Variants in HS6ST2 observed in about 807,000 individuals in gnomAD.
HS6ST2 encodes heparan-sulfate 6-O-sulfotransferase 2.
A neutral mutation model predicts 33.0 loss-of-function variants in HS6ST2; 17 were observed. The observed-to-expected ratio is 0.52, with a 90% CI of 0.35 to 0.77. The LOEUF is 0.77. Among genes scored for constraint, HS6ST2 ranks in the 30% least tolerant of loss-of-function variants. The pLI is 0.01. For synonymous variants in HS6ST2, 248 were observed against 237.1 expected, an observed-to-expected ratio of 1.05 and a Z score of -0.42; for missense variants, 519 against 551.7, an observed-to-expected ratio of 0.94 and a Z score of 0.59.
At chrX:132,882,176 C>G (rs1457589240) in intron 2 of HS6ST2, among the ~76,000 whole-genome samples, 2 of 111,216 alleles carry the variant, frequency 1.8e-5, no homozygotes, top group African/African-American at 6.5e-5. Context: ...TCATTGGTAG[C>G]TTGATGGGGA....
chrX:132,637,850 A>ATAATATTATATATAATATATT (rs1491464556), intron 4 of HS6ST2, among the ~76,000 whole-genome samples: 4 of 41,394 alleles, frequency 9.7e-5, no homozygotes, highest in East Asian at 6.8e-4. Flanking sequence ...TTTTATATAT[A>ATAATATTATATATAATATATT]ATATATATAT....
chrX:132,945,257 C>T (rs1418177201), intron 2 of HS6ST2, among the ~76,000 whole-genome samples: 1 of 112,112 alleles, frequency 8.9e-6, no homozygotes, highest in Non-Finnish European at 1.9e-5. Context: ...TGAAAAAATG[C>T]TCATCATCAC....
intron 2 of HS6ST2, among the ~76,000 whole-genome samples, chrX:132,911,147 C>T (rs1204194166): frequency 1.0e-4 from 1 of 9,933 alleles, no homozygotes; most frequent in African/African-American, 4.9e-4. Flanking sequence ...GAGACGCTAT[C>T]TCAAAAAAAA....
intron 2 of HS6ST2, among the ~76,000 whole-genome samples, chrX:132,840,788 T>C (rs931367884): frequency 1.8e-5 from 2 of 112,175 alleles, no homozygotes; most frequent in African/African-American, 6.5e-5. Context: ...TATTCTTAAA[T>C]CATTCTGTAT....
chrX:132,918,046 AG>A (rs1271490358), intron 2 of HS6ST2, among the ~76,000 whole-genome samples: 1 of 112,551 alleles, frequency 8.9e-6, no homozygotes, highest in Non-Finnish European at 1.9e-5. Context: ...CAACTGAAAT[AG>A]ATTGCCCAAA....
intron 2 of HS6ST2, among the ~76,000 whole-genome samples, chrX:132,792,968 C>G (rs1363768622): frequency 1.8e-5 from 2 of 108,790 alleles, no homozygotes; most frequent in Non-Finnish European, 3.8e-5. Flanking sequence ...CACTTAGCAC[C>G]CAAAATCAGG....
chrX:132,739,470 T>A (rs1047652947), intron 2 of HS6ST2, among the ~76,000 whole-genome samples: 4 of 111,460 alleles, frequency 3.6e-5, no homozygotes, highest in Non-Finnish European at 7.5e-5. Context: ...ATCGCAGCAC[T>A]TTGGGAGGCC....
chrX:132,810,031 G>A (rs1039338937), intron 2 of HS6ST2, among the ~76,000 whole-genome samples: 2 of 111,448 alleles, frequency 1.8e-5, no homozygotes, highest in African/African-American at 6.5e-5. Context: ...TTTTCTGAAC[G>A]TTCAATGATG....
At chrX:132,762,937 T>C (rs1028599983) in intron 2 of HS6ST2, among the ~76,000 whole-genome samples, 1 of 112,140 alleles carries the variant, frequency 8.9e-6, no homozygotes, top group African/African-American at 3.2e-5. Flanking sequence ...CATGTGACCC[T>C]GGGTAAGTTT....
intron 2 of HS6ST2, among the ~76,000 whole-genome samples, chrX:132,854,791 C>T (rs1602752120): frequency 8.9e-6 from 1 of 112,066 alleles, no homozygotes; most frequent in East Asian, 2.8e-4. Flanking sequence ...AACCTTTACT[C>T]TGGACTCAAC....
At chrX:132,904,596 T>A (rs1202919924) in intron 2 of HS6ST2, among the ~76,000 whole-genome samples, 1 of 107,206 alleles carries the variant, frequency 9.3e-6, no homozygotes, top group Non-Finnish European at 1.9e-5. Context: ...CAGGCCGTAA[T>A]GCAGTGGCAC....
chrX:132,725,253 A>G (rs1283089578), intron 2 of HS6ST2, among the ~76,000 whole-genome samples: 4 of 111,582 alleles, frequency 3.6e-5, no homozygotes, highest in Non-Finnish European at 7.5e-5. Flanking sequence ...AAGGGAAAAT[A>G]TTTTTAAACT....
At position 132,861,782 on chromosome X, in the gene HS6ST2, T is replaced by G. The variant is rs149766039; in HGVS notation, c.947+95026A>C. On this transcript the variant is annotated intron_variant, in intron 2 of 4. Coordinates refer to ENST00000370833, the MANE Select transcript of HS6ST2 (RefSeq NM_001394073.1). ...TATCTTAAGGTTTTCTTATTGATAA[T>G]GTAATTATCACCCTTGTCTTTCTTA... 9.4e-3 allele frequency among the ~76,000 whole-genome samples: 1,058 copies of G among 112,004 alleles called. 14 individuals carry two copies. Among genetic ancestry groups the G allele is most frequent in the African/African-American group, 0.032 (1,004 of 30,907 alleles).
At chrX:132,827,332 G>T (rs1340681975) in intron 2 of HS6ST2, among the ~76,000 whole-genome samples, 2 of 111,200 alleles carry the variant, frequency 1.8e-5, no homozygotes, top group Non-Finnish European at 3.8e-5. Context: ...GAAGGGTCCT[G>T]TAAACTTACT....
intron 2 of HS6ST2, among the ~76,000 whole-genome samples, chrX:132,926,276 A>G (rs895001384): frequency 8.9e-6 from 1 of 112,731 alleles, no homozygotes; most frequent in Non-Finnish European, 1.9e-5. Flanking sequence ...AAGAAGGTAC[A>G]GTTGTTCTCC....
Position 132,958,253 on chromosome X carries a change from C to G in HS6ST2, c.350G>C (p.Arg117Pro), listed in dbSNP as rs2067110459. ...LGSLCRALLT[R>P]GLAALGHSLK... Reference sequence around the variant, plus strand: ...CGAGTGGCCCAGGGCGGCCAGGCCCCGAGTGAGCAGGGCCCGGCAGAGGGA... The same window carrying G: ...CGAGTGGCCCAGGGCGGCCAGGCCCGGAGTGAGCAGGGCCCGGCAGAGGGA... The change falls in exon 1 of 5, where the codon CGG becomes CCG. Residue 117 changes from arginine to proline, a missense_variant. Arg to Pro is a moderately radical substitution (Grantham distance 103). Transcript: ENST00000370833. 1 of 1,187,706 alleles carries G rather than the reference C, an allele frequency of 8.4e-7. No individual in the cohort carries two copies. Among genetic ancestry groups the G allele is most frequent in the Non-Finnish European group, 1.1e-6 (1 of 888,789 alleles).
At chrX:132,832,962 A>T (rs2065604717) in intron 2 of HS6ST2, among the ~76,000 whole-genome samples, 1 of 111,535 alleles carries the variant, frequency 9.0e-6, no homozygotes, top group African/African-American at 3.3e-5. Context: ...TTGGCCAATG[A>T]TTCCACAACC....
intron 4 of HS6ST2, among the ~76,000 whole-genome samples, chrX:132,668,675 T>C (rs1314900339): frequency 8.9e-6 from 1 of 111,821 alleles, no homozygotes; most frequent in Non-Finnish European, 1.9e-5. Context: ...ACCAGGAAAT[T>C]TATGGAAAAG....
chrX:132,805,970 G>A (rs1310876628), intron 2 of HS6ST2, among the ~76,000 whole-genome samples: 1 of 109,767 alleles, frequency 9.1e-6, no homozygotes, highest in Admixed American at 9.7e-5. Flanking sequence ...CAGATCTCCA[G>A]GCTCCTTCCA....
Sources: allele counts gnomAD v4.1 joint callset (sites outside exome capture counted in the v4.1 genomes callset), GRCh38; gene constraint gnomAD v4.1.1; transcripts MANE v1.5; gene names NCBI Gene and HGNC (gene_info 2026-07-23, HGNC 2026-07-21).